The following PCDHA4 variants were observed in gnomAD, a reference collection of about 807,000 sequenced individuals.
PCDHA4 encodes protocadherin alpha-4.
In PCDHA4, 49 loss-of-function variants were observed where a neutral mutation model predicts 61.4. That is an observed-to-expected ratio of 0.80 (90% CI 0.63 to 1.01). PCDHA4 has a LOEUF of 1.01. Among genes scored for constraint, PCDHA4 ranks in the 50% least tolerant of loss-of-function variants. The pLI is 0.00. For missense variants in PCDHA4, 1,254 were observed against 1,235.8 expected, an observed-to-expected ratio of 1.01 and a Z score of -0.22; for synonymous variants, 590 against 550.3, an observed-to-expected ratio of 1.07 and a Z score of -1.01.
intron 1 of PCDHA4, among the ~76,000 whole-genome samples, chr5:140,898,923 T>G (rs2067045385): frequency 6.6e-6 from 1 of 152,144 alleles, no homozygotes; most frequent in South Asian, 2.1e-4. Flanking sequence ...GTAAGTTGGA[T>G]TCCTAAGTAT....
intron 1 of PCDHA4, among the ~76,000 whole-genome samples, chr5:140,953,228 G>A (rs2094861370): frequency 6.6e-6 from 1 of 152,124 alleles, no homozygotes; most frequent in South Asian, 2.1e-4. Flanking sequence ...CTTCTGCTTG[G>A]TAGCAGTTCA....
chr5:141,005,936 G>A (rs1233031842), intron 3 of PCDHA4, among the ~76,000 whole-genome samples: 1 of 151,890 alleles, frequency 6.6e-6, no homozygotes, highest in African/African-American at 2.4e-5. Context: ...GACAGAGTGA[G>A]AACCTATCTC....
chr5:140,875,902 G>C (rs192382804), intron 1 of PCDHA4: 14 of 1,614,160 alleles, frequency 8.7e-6, no homozygotes, highest in Non-Finnish European at 1.2e-5. Flanking sequence ...ACCTGTTTCT[G>C]AATCTGCGCC....
intron 1 of PCDHA4, chr5:140,875,864 C>A (rs781972677): frequency 3.7e-6 from 6 of 1,614,168 alleles, no homozygotes; most frequent in Admixed American, 3.3e-5. Context: ...GACAACCCGC[C>A]GGTGTTCAGA....
At chr5:141,009,255 G>A (rs2098403504) in intron 3 of PCDHA4, among the ~76,000 whole-genome samples, 1 of 152,162 alleles carries the variant, frequency 6.6e-6, no homozygotes. Context: ...CAGTGTTTGA[G>A]ACCAGCCTGG....
chr5:140,868,889 C>A, intron 1 of PCDHA4: 1 of 744,508 alleles, frequency 1.3e-6, no homozygotes, highest in Non-Finnish European at 2.1e-6. Flanking sequence ...CAGTTTTAGG[C>A]GCAAGGTGTC....
At chr5:140,840,796 G>C (rs1776878567) in intron 1 of PCDHA4, among the ~76,000 whole-genome samples, 1 of 152,038 alleles carries the variant, frequency 6.6e-6, no homozygotes. Flanking sequence ...GCTCACCTCA[G>C]AGTAATATAT....
At chr5:140,948,245 A>G (rs1554218500) in intron 1 of PCDHA4, among the ~76,000 whole-genome samples, 2 of 151,606 alleles carry the variant, frequency 1.3e-5, no homozygotes, top group African/African-American at 4.8e-5. Flanking sequence ...TTTAGTAAAT[A>G]TTTTTACATC....
chr5:140,934,684 A>C (rs1026507859), intron 1 of PCDHA4, among the ~76,000 whole-genome samples: 9 of 152,178 alleles, frequency 5.9e-5, no homozygotes, highest in Non-Finnish European at 1.3e-4. Flanking sequence ...TATTCAAAAC[A>C]ATGAATTGAT....
intron 1 of PCDHA4, among the ~76,000 whole-genome samples, chr5:140,974,558 C>A (rs984567503): frequency 4.5e-4 from 68 of 152,132 alleles, no homozygotes; most frequent in African/African-American, 1.6e-3. Context: ...GTTGCCCAGG[C>A]TGGAGTGCAA....
At chr5:140,969,141 G>T in intron 1 of PCDHA4, 1 of 1,614,158 alleles carries the variant, frequency 6.2e-7, no homozygotes, top group Non-Finnish European at 8.5e-7. Context: ...AAGACCTACT[G>T]CTACAAGGCC....
At chr5:140,968,909 G>T in intron 1 of PCDHA4, 1 of 1,614,172 alleles carries the variant, frequency 6.2e-7, no homozygotes, top group East Asian at 2.2e-5. Flanking sequence ...ATTAAGCACA[G>T]TGTCTTTTAT....
At chr5:140,839,867 G>A (rs996407179) in intron 1 of PCDHA4, among the ~76,000 whole-genome samples, 1 of 151,988 alleles carries the variant, frequency 6.6e-6, no homozygotes, top group Non-Finnish European at 1.5e-5. Flanking sequence ...GGTGGACTTT[G>A]AAAGATGAAT....
Position 140,841,121 on chromosome 5 carries a change from A to T in PCDHA4, c.2385+31549A>T, listed in dbSNP as rs1777036212. The T allele has an allele frequency of 1.1e-5, 7 of 638,568 alleles. No individual in the cohort carries two copies. In the African/African-American group the frequency reaches 1.3e-4, roughly 12 times the overall value. 39.6% of individuals were successfully genotyped at this position (638,568 alleles called of 1,614,324 possible). A position where few individuals can be genotyped will look rare whatever the true frequency, so the allele number is the denominator to read the frequency against. The stretch of plus-strand genomic sequence containing the variant: ...TATTGCGGAAGTAATTCATGTAATC[A>T]TTACCTTTTGAAGCCACATGATGTC... On this transcript the variant is annotated intron_variant, in intron 1 of 3. Transcript: ENST00000530339.
intron 1 of PCDHA4, among the ~76,000 whole-genome samples, chr5:140,977,103 G>A (rs1159604551): frequency 6.6e-6 from 1 of 152,230 alleles, no homozygotes; most frequent in Non-Finnish European, 1.5e-5. Context: ...TTGGGGAAGT[G>A]AGATTGTATA....
rs782499527 is a variant in PCDHA4, at chr5:140,871,070, C to T, written c.2385+61498C>T. ...GTACTGGTGAAGGATCACGGTGAGC[C>T]GGCGCTGACGGCCACGGCCACCGTG... On this transcript the variant is annotated intron_variant, in intron 1 of 3. Transcript: ENST00000530339. 11 of 1,613,094 alleles carry T rather than the reference C, an allele frequency of 6.8e-6. No homozygotes were observed. The South Asian group carries it at 9.9e-5, about 14-fold the overall frequency.
At chr5:140,976,423 T>C (rs1378184646) in intron 1 of PCDHA4, among the ~76,000 whole-genome samples, 22 of 151,886 alleles carry the variant, frequency 1.4e-4, no homozygotes, top group Admixed American at 1.3e-3. Context: ...CGGTGGCAGA[T>C]GCCTGTAATC....
At chr5:140,950,358 G>A (rs1474217490) in intron 1 of PCDHA4, among the ~76,000 whole-genome samples, 3 of 151,864 alleles carry the variant, frequency 2.0e-5, no homozygotes, top group Admixed American at 1.3e-4. Context: ...TCCTTTATCT[G>A]AAGATCTATT....
intron 1 of PCDHA4, among the ~76,000 whole-genome samples, chr5:140,946,631 T>TATATATATATATATACACAC (rs57893927): frequency 7.6e-6 from 1 of 131,856 alleles, no homozygotes; most frequent in East Asian, 2.1e-4. Flanking sequence ...TATATATATA[T>TATATATATATATATACACAC]ACAATGGAAT....
Sources: gnomAD v4.1 joint callset for allele counts (sites outside exome capture counted in the v4.1 genomes callset) on GRCh38, gnomAD v4.1.1 for gene constraint, MANE v1.5 for transcripts, NCBI Gene and HGNC (gene_info 2026-07-23, HGNC 2026-07-21) for gene names.